TAL1: variants seen among roughly 807,000 people sequenced by gnomAD.
TAL1 encodes the protein T-cell acute lymphocytic leukemia protein 1.
TAL1 carries 8 observed loss-of-function variants against 17.9 expected under a neutral mutation model. The observed-to-expected ratio is 0.45, with a 90% CI of 0.26 to 0.81. The LOEUF (loss-of-function observed/expected upper bound fraction) is 0.81. TAL1 is among the 30% of genes least tolerant of loss of function. The pLI, the probability that TAL1 is intolerant of heterozygous loss-of-function variation, is 0.17. For synonymous variants in TAL1, 223 were observed against 218.6 expected (o/e 1.02, Z -0.18); for missense variants, 466 against 486.9 (o/e 0.96, Z 0.40).
chr1:47,225,951 G>A (rs944818864), intron 1 of TAL1, 62 bp from the exon 3 acceptor site: 1 of 1,506,660 alleles, frequency 6.6e-7, no homozygotes, highest in South Asian at 1.2e-5. Context: ...ACCCACCGAC[G>A]TGGGCTGGGG....
intron 1 of TAL1, chr1:47,226,266 C>A: frequency 4.6e-6 from 1 of 216,974 alleles, no homozygotes; most frequent in Non-Finnish European, 9.1e-6. Context: ...ATTACTCTGT[C>A]CCCTTTCTCA....
upstream of TAL1, among the ~76,000 whole-genome samples, chr1:47,231,968 G>A (rs1024074115): frequency 2.0e-5 from 3 of 152,226 alleles, no homozygotes; most frequent in African/African-American, 7.2e-5. Flanking sequence ...TCTCCGAGGC[G>A]GGAGGGGCGG....
intron 1 of TAL1, chr1:47,227,875 A>T (rs1314553287): frequency 6.6e-6 from 1 of 152,158 alleles, no homozygotes; most frequent in Non-Finnish European, 1.5e-5. Context: ...GCTTCAAGGT[A>T]TTGGTTCCCT....
chr1:47,232,027 C>G (rs992789314), upstream of TAL1: 28 of 232,062 alleles, frequency 1.2e-4, 1 homozygote, highest in Non-Finnish European at 2.1e-4. Flanking sequence ...CCACCGCCCC[C>G]CCCGGCCATC....
At chr1:47,228,465 T>G (rs926611680) in intron 1 of TAL1, 23 of 193,594 alleles carry the variant, frequency 1.2e-4, no homozygotes, top group African/African-American at 4.9e-4. Flanking sequence ...AGACCCTGCT[T>G]ATAGCCCCCA....
rs989427225 is a variant in TAL1, at chr1:47,225,348, G to A, written c.446+95C>T. On this transcript the variant is annotated intron_variant, in intron 2 of 3. Coordinates refer to ENST00000294339, the Ensembl canonical transcript of TAL1. ...TGCGCTCCACCCGCTCGGCCCCCAG[G>A]GCAGGCCGCCGCCGATGTGTAGAAG... is the stretch of plus-strand genomic sequence containing the variant. 7 of 1,139,032 alleles carry A rather than the reference G, an allele frequency of 6.1e-6. No individual in the cohort carries two copies. The East Asian group carries it at 2.0e-4, about 32-fold the overall frequency. 70.6% of individuals were successfully genotyped at this position (1,139,032 alleles called of 1,614,324 possible). A position where few individuals can be genotyped will look rare whatever the true frequency, so the allele number is the denominator to read the frequency against.
exon 1 of TAL1, chr1:47,229,393 A>AGAGAAAG (rs1178907173): frequency 2.2e-5 from 4 of 183,420 alleles, no homozygotes; most frequent in Non-Finnish European, 4.6e-5. Context: ...ATAGGGGTGG[A>AGAGAAAG]GAGAAAGAGG....
intron 2 of TAL1, among the ~76,000 whole-genome samples, chr1:47,224,891 G>C (rs1304059591): frequency 1.3e-5 from 2 of 152,240 alleles, no homozygotes; most frequent in East Asian, 3.8e-4. Flanking sequence ...AGGAGCAGAG[G>C]GGCTGGGAGT....
intron 1 of TAL1, 51 bp from the exon 3 acceptor site, chr1:47,225,940 G>T: frequency 1.3e-6 from 2 of 1,538,986 alleles, no homozygotes; most frequent in South Asian, 2.3e-5. Context: ...GACCGCCCCT[G>T]ACCCACCGAC....
chr1:47,223,895 C>T, intron 3 of TAL1, 109 bp downstream of exon 4: 6 of 1,118,566 alleles, frequency 5.4e-6, no homozygotes, highest in Non-Finnish European at 8.0e-6. Context: ...TGGAAAGTGG[C>T]CCGCCCATCT....
chr1:47,218,489 C>T (rs533220370), exon 4 of TAL1: 6 of 232,948 alleles, frequency 2.6e-5, no homozygotes, highest in South Asian at 1.8e-4. Flanking sequence ...TGCATTAAAC[C>T]AACCTCCCAG....
exon 4 of TAL1, chr1:47,220,077 C>T: frequency 1.2e-6 from 2 of 1,613,742 alleles, no homozygotes; most frequent in Non-Finnish European, 1.7e-6. Flanking sequence ...GTGTGGGGAT[C>T]AGCTTGCGGA....
intron 2 of TAL1, 77 bp from the exon 4 acceptor site, chr1:47,224,175 C>T (rs1643874739): frequency 6.9e-7 from 1 of 1,441,704 alleles, no homozygotes; most frequent in African/African-American, 1.4e-5. Flanking sequence ...GGATCCTCCC[C>T]ACATGTCTTG....
intron 1 of TAL1, chr1:47,228,808 C>T (rs1310242154): frequency 6.3e-6 from 1 of 157,644 alleles, no homozygotes; most frequent in Admixed American, 6.5e-5. Context: ...GGATCAGGGC[C>T]CACTCGAGCT....
At position 47,225,830 on chromosome 1, in the gene TAL1, TC is replaced by T. The variant is rs758403681; in HGVS notation, c.58del (p.Asp20ThrfsTer15). On this transcript the variant is annotated frameshift_variant, in exon 2 of 4. Transcript: ENST00000294339. LOFTEE classifies it high-confidence loss of function. ...GGGGGCCATGCTGGCCTCGGCCGCG[TC>T]CCGTCCCTCTAGCTGGGGGTCACTG... 9 of 1,583,048 alleles carry T rather than the reference TC, an allele frequency of 5.7e-6. No homozygotes were observed. The highest frequency in any genetic ancestry group is 7.7e-6 in the Non-Finnish European group (9 of 1,173,140).
At chr1:47,218,711 G>T in exon 4 of TAL1, 1 of 232,932 alleles carries the variant, frequency 4.3e-6, no homozygotes, top group Non-Finnish European at 8.5e-6. Context: ...GCATTCATAG[G>T]ACAGGTTTTG....
At chr1:47,220,944 T>G (rs370195014) in intron 3 of TAL1, among the ~76,000 whole-genome samples, 2 of 152,164 alleles carry the variant, frequency 1.3e-5, no homozygotes, top group Admixed American at 6.5e-5. Context: ...TGGGAAGGCT[T>G]GTCTGAGGCT....
chr1:47,231,116 C>T (rs568506969), upstream of TAL1: 756 of 168,110 alleles, frequency 4.5e-3, 6 homozygotes, highest in African/African-American at 0.017. Flanking sequence ...GCGCCGGCCT[C>T]GGCGAGCGCT....
At chr1:47,224,768 C>T (rs1643882574) in intron 2 of TAL1, among the ~76,000 whole-genome samples, 2 of 152,340 alleles carry the variant, frequency 1.3e-5, no homozygotes, top group African/African-American at 4.8e-5. Flanking sequence ...CCCCATCTGC[C>T]GGTTTCTATT....
Sources: gnomAD v4.1 joint callset for allele counts (sites outside exome capture counted in the v4.1 genomes callset) on GRCh38, gnomAD v4.1.1 for gene constraint, MANE v1.5 for transcripts, NCBI Gene and HGNC (gene_info 2026-07-23, HGNC 2026-07-21) for gene names.